CASTOR1: variants seen among roughly 807,000 people sequenced by gnomAD.
CASTOR1 encodes the protein GATS protein like 3.
In CASTOR1, 18 loss-of-function variants were observed where a neutral mutation model predicts 33.7. That is an observed-to-expected ratio of 0.53 (90% CI 0.37 to 0.79). The LOEUF (loss-of-function observed/expected upper bound fraction) is 0.79. Ranked by LOEUF, CASTOR1 falls within the 30% of genes least tolerant of loss-of-function variation. CASTOR1 has a pLI of 0.00. For missense variants in CASTOR1, 362 were observed against 446.3 expected (o/e 0.81, Z 1.70); for synonymous variants, 175 against 190.6 (o/e 0.92, Z 0.67).
rs1207279332 is a variant in CASTOR1, at chr22:30,286,302, C to T, written c.704G>A (p.Gly235Asp). ...ITFFAFSLIE[G>D]YISIVMDAET... ...AGCATCCATGACAATGGAGATATAA[C>T]CCTCGATGAGGGAGAAGGCAAAGAA... Residue 235 changes from glycine to aspartate, a missense_variant, in exon 6 of 9, where the codon GGT becomes GAT. Gly to Asp is a moderately conservative substitution (Grantham distance 94). Coordinates refer to ENST00000407689, the MANE Select transcript of CASTOR1 (RefSeq NM_001037666.3). 6.2e-7 allele frequency: 1 copy of T among 1,614,084 alleles called. No individual in the cohort carries two copies. Among genetic ancestry groups the T allele is most frequent in the Non-Finnish European group, 8.5e-7 (1 of 1,179,972 alleles).
chr22:30,287,088 A>G lies in CASTOR1; in HGVS notation c.505+67T>C, dbSNP rs369540743. The G allele has an allele frequency of 1.8e-4, 278 of 1,556,230 alleles. 1 individual carries two copies. The African/African-American group carries it at 3.2e-3, about 18-fold the overall frequency. Reference sequence around the variant, plus strand: ...GGTCCTCCTGCCCCACTGGGGCCCAAAAGGGAAGGGACCCAGTGGGAAGAG... The same window carrying G: ...GGTCCTCCTGCCCCACTGGGGCCCAGAAGGGAAGGGACCCAGTGGGAAGAG... On this transcript the variant is annotated intron_variant, in intron 4 of 8. Transcript: ENST00000407689.
Position 30,285,594 on chromosome 22 carries a change from G to A in CASTOR1, c.*26C>T. 1 of 1,510,322 alleles carries A rather than the reference G, an allele frequency of 6.6e-7. No individual in the cohort carries two copies. Among genetic ancestry groups the A allele is most frequent in the Non-Finnish European group, 9.0e-7 (1 of 1,111,790 alleles). 93.6% of individuals were successfully genotyped at this position (1,510,322 alleles called of 1,614,324 possible). A position where few individuals can be genotyped will look rare whatever the true frequency, so the allele number is the denominator to read the frequency against. ...GAAGCCTGGGTCGAGGGGAGAGCAGGGAGGCTGCTCTGTTGCCCATGGGCC... is the reference window on the plus strand; with the variant it reads ...GAAGCCTGGGTCGAGGGGAGAGCAGAGAGGCTGCTCTGTTGCCCATGGGCC... On this transcript the variant is annotated 3_prime_UTR_variant, in exon 9 of 9. Transcript: ENST00000407689.
At chr22:30,286,425 T>C (rs546579220) in intron 5 of CASTOR1, 49 bp from the exon 6 acceptor site, 2 of 1,271,774 alleles carry the variant, frequency 1.6e-6, no homozygotes, top group Non-Finnish European at 2.3e-6. Context: ...CCCAGCCTAC[T>C]GCCCCTGCTC....
At position 30,285,716 on chromosome 22, in the gene CASTOR1, G is replaced by C. The variant is rs761341266; in HGVS notation, c.922-28C>G. 5.2e-6 allele frequency: 8 copies of C among 1,549,044 alleles called. No individual in the cohort carries two copies. The South Asian group carries it at 9.5e-5, about 18-fold the overall frequency. On this transcript the variant is annotated intron_variant, in intron 8 of 8. Coordinates refer to ENST00000407689, the MANE Select transcript of CASTOR1 (RefSeq NM_001037666.3). ...GAGGGCAGGTGGGCAGGAGGGAAGG[G>C]TCAAGGCGGAAGCTGGCCAGGGCCA...
At chr22:30,286,179 T>C in intron 6 of CASTOR1, 81 bp from the exon 7 acceptor site, 1 of 1,437,476 alleles carries the variant, frequency 7.0e-7, no homozygotes, top group Non-Finnish European at 9.6e-7. Context: ...GTACACCTGC[T>C]GACCTCAGAG....
chr22:30,289,474 G>T lies in CASTOR1; in HGVS notation c.24C>A (p.His8Gln). The change falls in exon 1 of 9, where the codon CAC becomes CAA. Residue 8 changes from histidine (H) to glutamine (Q), a missense_variant. By Grantham distance (24) the His-to-Gln change is conservative. Coordinates refer to ENST00000407689, the MANE Select transcript of CASTOR1 (RefSeq NM_001037666.3). Reference protein sequence around the residue: MELHILEHRVRVLSVARP... With the variant: MELHILEQRVRVLSVARP... ...GGGCGACGCTCAGCACCCGCACCCG[G>T]TGTTCTAGGATGTGCAGCTCCATCG... The T allele has an allele frequency of 1.9e-6, 3 of 1,597,410 alleles. No individual in the cohort carries two copies. The highest frequency in any genetic ancestry group is 2.6e-6 in the Non-Finnish European group (3 of 1,176,080).
intron 2 of CASTOR1, chr22:30,287,877 G>A (rs919981599): frequency 1.0e-5 from 6 of 586,974 alleles, no homozygotes; most frequent in Admixed American, 4.3e-5. Context: ...AAAATGGGAC[G>A]ACAATATCTA....
chr22:30,286,040 T>C lies in CASTOR1; in HGVS notation c.802A>G (p.Ile268Val), dbSNP rs1432335189. 1 of 1,592,290 alleles carries C rather than the reference T, an allele frequency of 6.3e-7. No individual in the cohort carries two copies. The highest frequency in any genetic ancestry group is 8.6e-7 in the Non-Finnish European group (1 of 1,168,206). ...SSGELWRMVR[I>V]GGQPLGFDEC... Reference sequence around the variant, plus strand: ...CCAAAGCCCAGGGGCTGTCCACCGATGCGCACCATCCTCCACAGCTCCCCC... The same window carrying C: ...CCAAAGCCCAGGGGCTGTCCACCGACGCGCACCATCCTCCACAGCTCCCCC... Residue 268 changes from isoleucine (I) to valine (V), a missense_variant, in exon 7 of 9, where the codon ATC becomes GTC. Transcript: ENST00000407689.
Position 30,288,782 on chromosome 22 carries a change from T to TGGGG in CASTOR1, c.114-10_114-7dup. On this transcript the variant is annotated splice_polypyrimidine_tract_variant and splice_region_variant and intron_variant, in intron 1 of 8. Transcript: ENST00000407689. ...TCAGGCTGAAGAACTTGCACCTGGT[T>TGGGG]GGGGGTGGGGAGCATCTTCAGCTTG... is the stretch of plus-strand genomic sequence containing the variant. 1 of 1,608,094 alleles carries TGGGG rather than the reference T, an allele frequency of 6.2e-7. No homozygotes were observed. Among genetic ancestry groups the TGGGG allele is most frequent in the African/African-American group, 1.3e-5 (1 of 74,502 alleles).
chr22:30,286,175 C>A, intron 6 of CASTOR1, 77 bp from the exon 7 acceptor site: 1 of 1,429,522 alleles, frequency 7.0e-7, no homozygotes. Flanking sequence ...ACAGGTACAC[C>A]TGCTGACCTC....
chr22:30,286,991 G>C, intron 4 of CASTOR1, 43 bp from the exon 5 acceptor site: 5 of 1,581,194 alleles, frequency 3.2e-6, no homozygotes, highest in Non-Finnish European at 3.4e-6. Context: ...CCGTGGGCTG[G>C]GGCGCCCCCT....
At chr22:30,289,239 G>A (rs1357487719) in intron 1 of CASTOR1, 146 bp downstream of exon 1, 6 of 657,652 alleles carry the variant, frequency 9.1e-6, no homozygotes, top group South Asian at 1.8e-5. Flanking sequence ...CCCCAGGCCG[G>A]ATGGCGGCCG....
Position 30,285,465 on chromosome 22 carries a change from GCCGGTGC to G in CASTOR1, c.*148_*154del. 1 of 617,960 alleles carries G rather than the reference GCCGGTGC, an allele frequency of 1.6e-6. No homozygotes were observed. Among genetic ancestry groups the G allele is most frequent in the Non-Finnish European group, 2.8e-6 (1 of 352,570 alleles). 38.3% of individuals were successfully genotyped at this position (617,960 alleles called of 1,614,324 possible). ...AGTGTACACAGGTGTCCGCGTAAAA[GCCGGTGC>G]CTGCACGCAGCTTACATACAGAGAG... On this transcript the variant is annotated 3_prime_UTR_variant, in exon 9 of 9. Coordinates refer to ENST00000407689, the MANE Select transcript of CASTOR1 (RefSeq NM_001037666.3).
chr22:30,288,842 T>C, intron 1 of CASTOR1, 66 bp from the exon 2 acceptor site: 1 of 1,389,646 alleles, frequency 7.2e-7, no homozygotes, highest in African/African-American at 1.5e-5. Context: ...TGGATTTCTC[T>C]CCATCTGCCC....
chr22:30,285,643 G>A lies in CASTOR1; in HGVS notation c.967C>T (p.Arg323Trp), dbSNP rs891279022. Residue 323 changes from arginine (R) to tryptophan (W), a missense_variant, in exon 9 of 9, where the codon CGG (arginine) becomes TGG (tryptophan). Physicochemically the swap from Arg to Trp is moderately radical, Grantham distance 101. Transcript: ENST00000407689. ...CCTCAGGAAGCCAGGCCTTCCTGCC[G>A]CCGCTGGAGGACCTCGATGACGCTG... The part of the protein sequence containing the change: ...IGSVIEVLQR[R>W]QEGLAS The A allele has an allele frequency of 5.1e-6, 8 of 1,569,202 alleles. No homozygotes were observed. The highest frequency in any genetic ancestry group is 4.1e-5 in the African/African-American group (3 of 73,922).
Position 30,288,742 on chromosome 22 carries a change from C to A in CASTOR1, c.148G>T (p.Asp50Tyr). 6.2e-7 allele frequency: 1 copy of A among 1,612,952 alleles called. No homozygotes were observed. Among genetic ancestry groups the A allele is most frequent in the South Asian group, 1.1e-5 (1 of 91,000 alleles). ...TCCTCGTCCACCATAAGCGTGTAAT[C>A]CTCAGGGGTCTCCGTCAGGCTGAAG... ...KFFSLTETPEDYTLMVDEEGF... is the reference protein window; with the variant it reads ...KFFSLTETPEYYTLMVDEEGF... Residue 50 changes from aspartate (D) to tyrosine (Y), a missense_variant, in exon 2 of 9, where the codon GAT (aspartate) becomes TAT (tyrosine). Physicochemically the swap from Asp to Tyr is radical, Grantham distance 160. Coordinates refer to ENST00000407689, the MANE Select transcript of CASTOR1 (RefSeq NM_001037666.3).
chr22:30,285,974 C>T, intron 7 of CASTOR1, 42 bp downstream of exon 7: 1 of 1,581,152 alleles, frequency 6.3e-7, no homozygotes, highest in Non-Finnish European at 8.6e-7. Context: ...CGGTTGCTCC[C>T]CAGACACTCC....
At position 30,289,134 on chromosome 22, in the gene CASTOR1, C is replaced by T. The variant is rs888661618; in HGVS notation, c.113+251G>A. 7.0e-6 allele frequency: 4 copies of T among 570,316 alleles called. No individual in the cohort carries two copies. The African/African-American group carries it at 7.8e-5, about 11-fold the overall frequency. The allele number at this position is 570,316 out of a possible 1,614,324, so 35.3% of individuals were successfully genotyped here. A position where few individuals can be genotyped will look rare whatever the true frequency, so the allele number is the denominator to read the frequency against. On this transcript the variant is annotated intron_variant, in intron 1 of 8. Coordinates refer to ENST00000407689, the MANE Select transcript of CASTOR1 (RefSeq NM_001037666.3). ...CCCGCAGTGACCAGGTAGGAATGCC[C>T]CCATTTGACACTACTGAGTTAAGCA...
Position 30,285,556 on chromosome 22 carries a change from A to C in CASTOR1, c.*64T>G. On this transcript the variant is annotated 3_prime_UTR_variant, in exon 9 of 9. Transcript: ENST00000407689. ...GTTCCAGAGCTTAAGGAAATAGCTT[A>C]GAGAAGTCTTTGGAAGCCTGGGTCG... 4.5e-5 allele frequency: 57 copies of C among 1,264,684 alleles called. No homozygotes were observed. The highest frequency in any genetic ancestry group is 6.2e-5 in the Non-Finnish European group (55 of 894,294). 78.3% of individuals were successfully genotyped at this position (1,264,684 alleles called of 1,614,324 possible).
Sources: gnomAD v4.1 joint callset for allele counts on GRCh38, gnomAD v4.1.1 for gene constraint, MANE v1.5 for transcripts, NCBI Gene and HGNC (gene_info 2026-07-23, HGNC 2026-07-21) for gene names.